The following CDC14A variants were observed in gnomAD, a reference collection of about 807,000 sequenced individuals.
CDC14A encodes the protein dual specificity protein phosphatase CDC14A.
A neutral mutation model predicts 74.4 loss-of-function variants in CDC14A; 53 were observed. That is an observed-to-expected ratio of 0.71 (90% CI 0.57 to 0.89). CDC14A has a LOEUF of 0.89. CDC14A is among the 40% of genes least tolerant of loss of function. The pLI is 0.00. For synonymous variants in CDC14A, 247 were observed against 258.4 expected (o/e 0.96, Z 0.43); for missense variants, 646 against 713.7 (o/e 0.91, Z 1.08).
chr1:100,441,008 A>T (rs572638796), intron 6 of CDC14A, among the ~76,000 whole-genome samples: 20 of 152,336 alleles, frequency 1.3e-4, no homozygotes, highest in Admixed American at 9.8e-4. Flanking sequence ...TGGAGACGTT[A>T]CCCAACATAT....
chr1:100,360,188 G>A (rs1385105481), intron 2 of CDC14A, among the ~76,000 whole-genome samples: 2 of 148,788 alleles, frequency 1.3e-5, no homozygotes, highest in African/African-American at 2.5e-5. Context: ...TCCTGACCTC[G>A]TGATCTGCCT....
chr1:100,351,639 C>A (rs765638801), upstream of CDC14A: 112 of 971,310 alleles, frequency 1.2e-4, no homozygotes, highest in Non-Finnish European at 1.6e-4. Context: ...CGCGCCCGCC[C>A]AGGCTGGCTC....
intron 2 of CDC14A, among the ~76,000 whole-genome samples, chr1:100,359,153 A>G (rs1364167870): frequency 6.6e-6 from 1 of 152,224 alleles, no homozygotes; most frequent in Non-Finnish European, 1.5e-5. Flanking sequence ...CATAGCAACA[A>G]CAACAGCAGC....
rs775581721 is a variant in CDC14A at position 100,353,743 on chromosome 1, T to G, written c.50-19T>G. The stretch of plus-strand genomic sequence containing the variant: ...CTACTTCTCATATGTTTTTTCTGTC[T>G]TTTAAACTTGTCTTTCAGATCGGTT... On this transcript the variant is annotated intron_variant, in intron 1 of 15. Transcript: ENST00000336454. The G allele has an allele frequency of 7.2e-7, 1 of 1,394,486 alleles. No homozygotes were observed. The highest frequency in any genetic ancestry group is 1.2e-5 in the South Asian group (1 of 82,664). 86.4% of individuals were successfully genotyped at this position (1,394,486 alleles called of 1,614,324 possible).
At chr1:100,357,774 G>C (rs1570943179) in intron 2 of CDC14A, among the ~76,000 whole-genome samples, 1 of 151,252 alleles carries the variant, frequency 6.6e-6, no homozygotes, top group Non-Finnish European at 1.5e-5. Context: ...AAGAAATGCT[G>C]CTTTTCTGGC....
intron 14 of CDC14A, 142 bp downstream of exon 14, chr1:100,498,349 G>C: frequency 1.1e-6 from 1 of 919,276 alleles, no homozygotes; most frequent in Non-Finnish European, 1.7e-6. Context: ...ATGTTCTGGG[G>C]CTTCCGTTCC....
intron 5 of CDC14A, among the ~76,000 whole-genome samples, chr1:100,434,496 T>C (rs1030520693): frequency 6.6e-6 from 1 of 152,208 alleles, no homozygotes; most frequent in African/African-American, 2.4e-5. Flanking sequence ...TTTAAAAATA[T>C]CACTCTGGCT....
chr1:100,498,836 T>C, intron 14 of CDC14A, 93 bp from the exon 15 acceptor site: 2 of 1,466,474 alleles, frequency 1.4e-6, no homozygotes, highest in Non-Finnish European at 1.8e-6. Flanking sequence ...CATGTTCCCC[T>C]AATGTCATGA....
At chr1:100,471,140 A>T (rs561315912) in intron 10 of CDC14A, among the ~76,000 whole-genome samples, 170 of 152,230 alleles carry the variant, frequency 1.1e-3, no homozygotes, top group African/African-American at 3.8e-3. Flanking sequence ...TGAATATCAT[A>T]TTATTGTAAG....
At chr1:100,349,242 C>G (rs1330071367), upstream of CDC14A, among the ~76,000 whole-genome samples, 3 of 151,996 alleles carry the variant, frequency 2.0e-5, no homozygotes, top group African/African-American at 7.2e-5. Flanking sequence ...ACTTTTTACA[C>G]TTACCTGCTG....
At chr1:100,467,284 A>G (rs1046063906) in intron 9 of CDC14A, among the ~76,000 whole-genome samples, 1 of 152,184 alleles carries the variant, frequency 6.6e-6, no homozygotes, top group Non-Finnish European at 1.5e-5. Flanking sequence ...ATAAGAGAAG[A>G]CTACCTTTAT....
At chr1:100,357,217 AG>A (rs1490697315) in intron 2 of CDC14A, among the ~76,000 whole-genome samples, 1 of 152,196 alleles carries the variant, frequency 6.6e-6, no homozygotes, top group African/African-American at 2.4e-5. Context: ...ATTTTCCCAA[AG>A]AGACTAATAA....
chr1:100,364,013 T>C (rs114845458), intron 2 of CDC14A, among the ~76,000 whole-genome samples: 1,752 of 152,060 alleles, frequency 0.012, 32 homozygotes, highest in African/African-American at 0.04. Context: ...GCTGTAGTCC[T>C]AGCTACTCTG....
chr1:100,432,344 TG>T (rs1420888196), intron 5 of CDC14A, among the ~76,000 whole-genome samples: 1 of 152,254 alleles, frequency 6.6e-6, no homozygotes, highest in Non-Finnish European at 1.5e-5. Flanking sequence ...TAAAGTATTT[TG>T]GGCATTGTCT....
chr1:100,430,143 C>CAA (rs1265944121), intron 5 of CDC14A, among the ~76,000 whole-genome samples: 1 of 152,032 alleles, frequency 6.6e-6, no homozygotes, highest in Non-Finnish European at 1.5e-5. Flanking sequence ...CTGTGTGGAA[C>CAA]AAAAAACATC....
rs1557745472 is a variant in CDC14A at position 100,424,287 on chromosome 1, C to T, written c.375C>T (p.Pro125=). 1.2e-6 allele frequency: 2 copies of T among 1,613,090 alleles called. No homozygotes were observed. Among genetic ancestry groups the T allele is most frequent in the Admixed American group, 1.7e-5 (1 of 60,022 alleles). ...CACTCCTGTCTGGCTCAAACCCCCC[C>T]TATCTTCCATTCAGGTATAACTCCT... ...YRALLSGSNP[P]YLPFRDASFG... is the part of the protein sequence containing the mutation. The change falls in exon 5 of 16, where the codon CCC becomes CCT. Residue 125 remains proline, a synonymous_variant. Transcript: ENST00000336454.
At chr1:100,483,165 A>G (rs932389889) in intron 10 of CDC14A, among the ~76,000 whole-genome samples, 3 of 152,066 alleles carry the variant, frequency 2.0e-5, no homozygotes, top group Admixed American at 6.6e-5. Flanking sequence ...AGGAATTGCC[A>G]CACTGCTTTC....
intron 7 of CDC14A, among the ~76,000 whole-genome samples, chr1:100,449,174 G>C (rs992122851): frequency 2.3e-4 from 35 of 152,142 alleles, no homozygotes; most frequent in African/African-American, 8.0e-4. Context: ...CATTATTTTA[G>C]CCACATTACA....
chr1:100,498,269 A>G (rs1648166279), intron 14 of CDC14A, 62 bp downstream of exon 14: 1 of 1,575,804 alleles, frequency 6.3e-7, no homozygotes, highest in African/African-American at 1.4e-5. Flanking sequence ...GCAGCAGGCG[A>G]TGAGTTTAGC....
Sources: gnomAD v4.1 joint callset for allele counts (sites outside exome capture counted in the v4.1 genomes callset) on GRCh38, gnomAD v4.1.1 for gene constraint, MANE v1.5 for transcripts, NCBI Gene and HGNC (gene_info 2026-07-23, HGNC 2026-07-21) for gene names.